DLG2: variants seen among roughly 807,000 people sequenced by gnomAD.
The protein encoded by DLG2 is discs large MAGUK scaffold protein 2.
DLG2 carries 45 observed loss-of-function variants against 132.5 expected under a neutral mutation model. The observed-to-expected ratio is 0.34, with a 90% CI of 0.27 to 0.44. The LOEUF (loss-of-function observed/expected upper bound fraction) is 0.44. DLG2 is among the 20% of genes least tolerant of loss of function. The pLI is 1.00. For missense variants in DLG2, 1,045 were observed against 1,196.9 expected (o/e 0.87, Z 1.87); for synonymous variants, 424 against 419.6 (o/e 1.01, Z -0.13).
intron 17 of DLG2, among the ~76,000 whole-genome samples, chr11:83,804,439 T>C (rs972262286): frequency 2.6e-5 from 4 of 152,004 alleles, no homozygotes; most frequent in African/African-American, 7.2e-5. Flanking sequence ...TTTTGAAAAA[T>C]TTCAAATTAT....
Position 83,510,367 on chromosome 11 carries a change from A to T in DLG2, c.2193+22341T>A, listed in dbSNP as rs182917865. Among the ~76,000 whole-genome samples, 16 of 152,272 alleles carry T rather than the reference A, an allele frequency of 1.1e-4. No homozygotes were observed. The East Asian group carries it at 3.1e-3, about 29-fold the overall frequency. On this transcript the variant is annotated intron_variant, in intron 21 of 27. Coordinates refer to ENST00000376104, the MANE Select transcript of DLG2 (RefSeq NM_001142699.3). The stretch of plus-strand genomic sequence containing the variant: ...CAGAGAGTAAGAGGTCACTTGCAGC[A>T]TTCATGTCCTAGGAGTGATTGAGGG...
chr11:84,363,541 T>G (rs1358114310), intron 7 of DLG2, among the ~76,000 whole-genome samples: 9 of 152,084 alleles, frequency 5.9e-5, no homozygotes, highest in Admixed American at 2.6e-4. Flanking sequence ...AATTTTGTCT[T>G]CTGTTGCCAT....
chr11:85,493,240 G>C (rs1025010452), intron 3 of DLG2, among the ~76,000 whole-genome samples: 2 of 152,122 alleles, frequency 1.3e-5, no homozygotes. Flanking sequence ...GCTTTTGAAA[G>C]CATTTTCAAA....
intron 6 of DLG2, among the ~76,000 whole-genome samples, chr11:84,822,759 G>T (rs1164144824): frequency 6.6e-6 from 1 of 151,812 alleles, no homozygotes; most frequent in Non-Finnish European, 1.5e-5. Flanking sequence ...AATACAATGA[G>T]GATATAAAAA....
intron 6 of DLG2, among the ~76,000 whole-genome samples, chr11:85,042,564 G>T (rs2061969500): frequency 6.6e-6 from 1 of 151,922 alleles, no homozygotes; most frequent in Admixed American, 6.6e-5. Context: ...TAACAGAGTG[G>T]AAGTTGACAA....
At chr11:83,727,808 T>C (rs1053388452) in intron 18 of DLG2, among the ~76,000 whole-genome samples, 4 of 152,218 alleles carry the variant, frequency 2.6e-5, no homozygotes, top group African/African-American at 9.6e-5. Flanking sequence ...TTATTTTCAC[T>C]TGGCTTTTTC....
At chr11:85,347,002 C>T (rs2082895064) in intron 3 of DLG2, among the ~76,000 whole-genome samples, 1 of 152,038 alleles carries the variant, frequency 6.6e-6, no homozygotes, top group Non-Finnish European at 1.5e-5. Flanking sequence ...ATAGGTGGGA[C>T]ATAAAAGGAA....
At chr11:84,113,867 C>A (rs768970336) in intron 9 of DLG2, among the ~76,000 whole-genome samples, 2 of 151,928 alleles carry the variant, frequency 1.3e-5, no homozygotes, top group Non-Finnish European at 2.9e-5. Flanking sequence ...AAAGAATGAC[C>A]ATTTGTCAAG....
At chr11:85,053,088 T>C (rs1456936347) in intron 6 of DLG2, among the ~76,000 whole-genome samples, 1 of 152,198 alleles carries the variant, frequency 6.6e-6, no homozygotes, top group African/African-American at 2.4e-5. Context: ...GCCTGAACTC[T>C]GGTTCCAATG....
At chr11:84,873,112 T>C (rs150374114) in intron 6 of DLG2, among the ~76,000 whole-genome samples, 90 of 152,342 alleles carry the variant, frequency 5.9e-4, no homozygotes, top group Middle Eastern at 3.4e-3. Context: ...ATATACGTGA[T>C]TAAGCTAAGG....
chr11:85,022,034 C>A (rs1228873915), intron 6 of DLG2, among the ~76,000 whole-genome samples: 1 of 151,928 alleles, frequency 6.6e-6, no homozygotes, highest in African/African-American at 2.4e-5. Flanking sequence ...TACATCCTAG[C>A]CTTTCAAAAA....
intron 4 of DLG2, among the ~76,000 whole-genome samples, chr11:85,198,602 A>G (rs1595306354): frequency 2.0e-5 from 3 of 152,194 alleles, no homozygotes; most frequent in Admixed American, 2.0e-4. Context: ...ATATTTAGTA[A>G]CAGTTATTAC....
chr11:83,862,646 T>C (rs534564373), intron 16 of DLG2, among the ~76,000 whole-genome samples: 61 of 152,096 alleles, frequency 4.0e-4, no homozygotes, highest in African/African-American at 1.2e-3. Flanking sequence ...TTTGAGGTGA[T>C]AGATACTCCC....
At chr11:85,135,993 A>T (rs967528138) in intron 5 of DLG2, among the ~76,000 whole-genome samples, 1 of 152,214 alleles carries the variant, frequency 6.6e-6, no homozygotes, top group African/African-American at 2.4e-5. Flanking sequence ...GAAGAACCAT[A>T]GGAGTTAACT....
chr11:83,470,241 G>A (rs2091852601), intron 24 of DLG2, among the ~76,000 whole-genome samples: 1 of 151,746 alleles, frequency 6.6e-6, no homozygotes, highest in Non-Finnish European at 1.5e-5. Context: ...ATGATTAATT[G>A]GGATATAATA....
chr11:84,365,439 T>G (rs2098676271), intron 7 of DLG2, among the ~76,000 whole-genome samples: 1 of 152,150 alleles, frequency 6.6e-6, no homozygotes, highest in Non-Finnish European at 1.5e-5. Flanking sequence ...TCTATCAATT[T>G]TGTTGATCTT....
intron 8 of DLG2, among the ~76,000 whole-genome samples, chr11:84,243,021 A>T (rs60432324): frequency 2.3e-5 from 2 of 86,084 alleles, no homozygotes; most frequent in African/African-American, 9.1e-5. Flanking sequence ...CTCTCTCTAT[A>T]TATATATATA....
At chr11:83,687,578 C>A (rs937976088) in intron 18 of DLG2, among the ~76,000 whole-genome samples, 7 of 151,930 alleles carry the variant, frequency 4.6e-5, no homozygotes, top group Non-Finnish European at 4.4e-5. Context: ...TGGTATTGTT[C>A]TTTTTACTTC....
intron 6 of DLG2, among the ~76,000 whole-genome samples, chr11:84,547,183 T>C (rs1453484379): frequency 1.3e-5 from 2 of 152,188 alleles, no homozygotes; most frequent in Non-Finnish European, 2.9e-5. Flanking sequence ...AGTCACTTAG[T>C]AGAAGTTATG....
Sources: gnomAD v4.1 joint callset for allele counts (sites outside exome capture counted in the v4.1 genomes callset) on GRCh38, gnomAD v4.1.1 for gene constraint, MANE v1.5 for transcripts, NCBI Gene and HGNC (gene_info 2026-07-23, HGNC 2026-07-21) for gene names.